Variants in DNAH8 observed in about 807,000 individuals in gnomAD.
The protein encoded by DNAH8 is dynein axonemal heavy chain 8, also known as axonemal beta dynein heavy chain 8.
DNAH8 carries 382 observed loss-of-function variants against 562.1 expected under a neutral mutation model. The ratio of observed to expected loss-of-function variants is 0.68; its 90% confidence interval spans 0.63 to 0.74. The LOEUF (loss-of-function observed/expected upper bound fraction) is 0.74. Ranked by LOEUF, DNAH8 falls within the 30% of genes least tolerant of loss-of-function variation. The pLI is 0.00. For missense variants in DNAH8, 5,203 were observed against 5,620.4 expected, an observed-to-expected ratio of 0.93 and a Z score of 2.37; for synonymous variants, 1,881 against 1,919.4, an observed-to-expected ratio of 0.98 and a Z score of 0.52.
At chr6:38,817,747 A>G (rs2206863) in intron 26 of DNAH8, among the ~76,000 whole-genome samples, 42,378 of 152,056 alleles carry the variant, frequency 0.28, 6,262 homozygotes, top group East Asian at 0.41. Flanking sequence ...ACCTAGAAAG[A>G]GCAACTTTGG....
chr6:38,842,454 G>T lies in DNAH8; in HGVS notation c.4553G>T (p.Gly1518Val). 6.2e-7 allele frequency: 1 copy of T among 1,613,366 alleles called. No individual in the cohort carries two copies. The highest frequency in any genetic ancestry group is 1.7e-5 in the Admixed American group (1 of 59,978). The change falls in exon 34 of 93, where the codon GGA (glycine) becomes GTA (valine). Residue 1518 changes from glycine to valine, a missense_variant. Around this residue, in one of 6 missense-constraint regions of DNAH8, gnomAD observed 2,176 missense variants for 2,365.1 expected, o/e 0.92. Transcript: ENST00000327475. ...AGTGGTTATTATGAAATACTTTGGG[G>T]AGATGTAGATATTGAAAAAATTAAT... ...SISGYYEILW[G>V]DVDIEKINAE...
At chr6:38,923,708 A>T in intron 72 of DNAH8, 1 of 369,100 alleles carries the variant, frequency 2.7e-6, no homozygotes, top group Non-Finnish European at 4.8e-6. Flanking sequence ...AGCAAGGGAC[A>T]GGATGGGGGA....
intron 17 of DNAH8, among the ~76,000 whole-genome samples, chr6:38,784,387 C>A (rs529965855): frequency 6.6e-6 from 1 of 152,158 alleles, no homozygotes; most frequent in Admixed American, 6.5e-5. Context: ...TTTCTACCCC[C>A]AATACCCTTT....
chr6:38,870,303 C>T (rs1489109565), intron 48 of DNAH8, 98 bp from the exon 49 acceptor site: 1 of 1,040,036 alleles, frequency 9.6e-7, no homozygotes, highest in African/African-American at 1.6e-5. Flanking sequence ...ATAAATGGTT[C>T]TCTGGGGATG....
At position 38,863,904 on chromosome 6, in the gene DNAH8, T is replaced by C. The variant is rs760696722; in HGVS notation, c.6342T>C (p.Phe2114=). The change falls in exon 45 of 93, where the codon TTT becomes TTC. Residue 2114 remains phenylalanine (F), a synonymous_variant. Transcript: ENST00000327475. The part of the protein sequence containing the change: ...GLAQSGSWGC[F]DEFNRIELPV... ...CACAGTCGGGTTCCTGGGGCTGTTT[T>C]GATGAGTTTAACAGAATTGAATTGC... 1.2e-6 allele frequency: 2 copies of C among 1,602,994 alleles called. No homozygotes were observed. Among genetic ancestry groups the C allele is most frequent in the Admixed American group, 3.6e-5 (2 of 56,302 alleles).
rs764351435 is a variant in DNAH8, at chr6:38,883,930, G to A, written c.8191G>A (p.Gly2731Arg). ...KRIGSTYGPP[G>R]GRKMTVFIDD... ...AATTGGAAGCACATATGGGCCACCAGGAGGGAGAAAAATGACTGTATTTAT... is the reference window on the plus strand; with the variant it reads ...AATTGGAAGCACATATGGGCCACCAAGAGGGAGAAAAATGACTGTATTTAT... Residue 2731 changes from glycine (G) to arginine (R), a missense_variant, in exon 56 of 93, where the codon GGA (glycine) becomes AGA (arginine). Physicochemically the swap from Gly to Arg is moderately radical, Grantham distance 125. Coordinates refer to ENST00000327475, the MANE Select transcript of DNAH8 (RefSeq NM_001206927.2). 2 of 1,592,826 alleles carry A rather than the reference G, an allele frequency of 1.3e-6. No homozygotes were observed. The highest frequency in any genetic ancestry group is 1.7e-5 in the Admixed American group (1 of 58,532).
chr6:38,854,094 T>G (rs531367320), intron 41 of DNAH8, among the ~76,000 whole-genome samples: 2 of 152,216 alleles, frequency 1.3e-5, no homozygotes, highest in African/African-American at 4.8e-5. Flanking sequence ...GATATAGATA[T>G]GGATATATGT....
chr6:38,786,795 C>T lies in DNAH8; in HGVS notation c.2426C>T (p.Pro809Leu), dbSNP rs774992093. 1.2e-6 allele frequency: 2 copies of T among 1,611,748 alleles called. No homozygotes were observed. Among genetic ancestry groups the T allele is most frequent in the East Asian group, 4.5e-5 (2 of 44,792 alleles). The change falls in exon 18 of 93, where the codon CCA becomes CTA. Residue 809 changes from proline to leucine, a missense_variant. This residue lies in a region of DNAH8 where 2,176 missense variants were observed against 2,365.1 expected (regional missense o/e 0.92). Coordinates refer to ENST00000327475, the MANE Select transcript of DNAH8 (RefSeq NM_001206927.2). Reference sequence around the variant, plus strand: ...CAAGCCACGCTTTTTGTGCGACATCCAGAAACAGGGAAGTTGCTGGTTAAT... The same window carrying T: ...CAAGCCACGCTTTTTGTGCGACATCTAGAAACAGGGAAGTTGCTGGTTAAT... ...ALQATLFVRH[P>L]ETGKLLVNFD...
At chr6:38,763,294 C>T (rs1462382822) in intron 11 of DNAH8, 1 of 238,736 alleles carries the variant, frequency 4.2e-6, no homozygotes. Flanking sequence ...AGTTTCTAAA[C>T]CTGGTGTTAT....
chr6:38,887,570 G>A (rs1437113229), intron 57 of DNAH8, among the ~76,000 whole-genome samples: 1 of 152,092 alleles, frequency 6.6e-6, no homozygotes, highest in Non-Finnish European at 1.5e-5. Context: ...AGCTGGGCAT[G>A]GTGGCACACG....
Position 38,931,994 on chromosome 6 carries a change from G to A in DNAH8, c.11457+1G>A. The stretch of plus-strand genomic sequence containing the variant: ...GAGAGTCATTCTAACAGAGAAACAG[G>A]TAATCTCTCTCTCAAGGTAAAGAAT... On this transcript the variant is annotated splice_donor_variant, in intron 76 of 92. Transcript: ENST00000327475. LOFTEE classifies it high-confidence loss of function. The A allele has an allele frequency of 1.3e-6, 2 of 1,556,620 alleles. No homozygotes were observed. Among genetic ancestry groups the A allele is most frequent in the Non-Finnish European group, 1.7e-6 (2 of 1,152,012 alleles).
At chr6:39,017,746 C>T (rs1231879040) in intron 91 of DNAH8, among the ~76,000 whole-genome samples, 1 of 152,166 alleles carries the variant, frequency 6.6e-6, no homozygotes, top group Non-Finnish European at 1.5e-5. Context: ...TAGAGGCAAT[C>T]CTGCTGGATC....
intron 56 of DNAH8, among the ~76,000 whole-genome samples, chr6:38,885,779 T>G (rs1583275236): frequency 6.6e-6 from 1 of 152,314 alleles, no homozygotes; most frequent in African/African-American, 2.4e-5. Context: ...TCATGTCAGG[T>G]GAAGCCTCCC....
intron 38 of DNAH8, among the ~76,000 whole-genome samples, chr6:38,850,967 G>A (rs1346971440): frequency 1.3e-5 from 2 of 152,178 alleles, no homozygotes; most frequent in Non-Finnish European, 2.9e-5. Context: ...TCAGGGAATA[G>A]GACCTGGACA....
chr6:38,926,574 G>A (rs746145141), intron 74 of DNAH8, among the ~76,000 whole-genome samples: 5 of 152,086 alleles, frequency 3.3e-5, no homozygotes, highest in Non-Finnish European at 7.4e-5. Flanking sequence ...TTGGTACTAC[G>A]TAGCTTACTG....
In DNAH8 at chr6:38,820,413, C is replaced by T. The variant is rs180904296; in HGVS notation, c.3524-2425C>T. Among the ~76,000 whole-genome samples the T allele has an allele frequency of 3.9e-5, 6 of 152,236 alleles. No individual in the cohort carries two copies. The South Asian group carries it at 8.3e-4, about 21-fold the overall frequency. ...TCTTGAATTAGATACACATCATACC[C>T]GCTATTCTATATCCTATAACACTAT... is the stretch of plus-strand genomic sequence containing the variant. On this transcript the variant is annotated intron_variant, in intron 26 of 92. Transcript: ENST00000327475.
chr6:38,889,417 G>A (rs1057078461), intron 57 of DNAH8, among the ~76,000 whole-genome samples: 2 of 152,142 alleles, frequency 1.3e-5, no homozygotes, highest in African/African-American at 4.8e-5. Context: ...CTCTGGAGAA[G>A]GGAGGAATTG....
chr6:39,015,266 T>A (rs1424536547), intron 91 of DNAH8, among the ~76,000 whole-genome samples: 1 of 152,242 alleles, frequency 6.6e-6, no homozygotes, highest in African/African-American at 2.4e-5. Flanking sequence ...GTGATTTTTT[T>A]CATTCAAAAT....
At chr6:38,761,441 G>GTT (rs149254080) in intron 10 of DNAH8, among the ~76,000 whole-genome samples, 18 of 148,700 alleles carry the variant, frequency 1.2e-4, no homozygotes, top group Admixed American at 7.4e-4. Flanking sequence ...AAGTTCTCTA[G>GTT]TTTTTTTTTA....
Sources: allele counts gnomAD v4.1 joint callset (sites outside exome capture counted in the v4.1 genomes callset), GRCh38; gene constraint gnomAD v4.1.1; regional missense constraint gnomAD v4.1.1; transcripts MANE v1.5; gene names NCBI Gene and HGNC (gene_info 2026-07-23, HGNC 2026-07-21).